FGGY: variants seen among roughly 807,000 people sequenced by gnomAD.
FGGY encodes FGGY carbohydrate kinase domain containing.
A neutral mutation model predicts 71.3 loss-of-function variants in FGGY; 72 were observed. The ratio of observed to expected loss-of-function variants is 1.01; its 90% CI spans 0.84 to 1.23. FGGY has a LOEUF of 1.23. Ranked by LOEUF, FGGY falls within the 50% of genes most tolerant of loss-of-function variation. FGGY has a pLI of 0.00. For synonymous variants in FGGY, 251 were observed against 250.3 expected, an observed-to-expected ratio of 1.00 and a Z score of -0.02; for missense variants, 668 against 682.3, an observed-to-expected ratio of 0.98 and a Z score of 0.23.
At chr1:59,359,686 C>T (rs996818259) in intron 4 of FGGY, among the ~76,000 whole-genome samples, 1 of 152,138 alleles carries the variant, frequency 6.6e-6, no homozygotes, top group Non-Finnish European at 1.5e-5. Flanking sequence ...TCTGAATCCT[C>T]CCTGTATGGA....
chr1:59,680,997 C>G (rs1280172762), intron 14 of FGGY: 1 of 152,124 alleles, frequency 6.6e-6, no homozygotes, highest in East Asian at 1.9e-4. Context: ...TAAAAATAAG[C>G]AGGGTGCCCT....
chr1:59,467,911 G>A (rs917268746), intron 6 of FGGY, among the ~76,000 whole-genome samples: 23 of 149,800 alleles, frequency 1.5e-4, no homozygotes, highest in Admixed American at 1.4e-3. Flanking sequence ...GTTTTGTTTT[G>A]TTTTTTTTTG....
intron 7 of FGGY, among the ~76,000 whole-genome samples, chr1:59,550,351 C>T (rs1174447986): frequency 6.6e-6 from 1 of 152,064 alleles, no homozygotes; most frequent in Non-Finnish European, 1.5e-5. Context: ...AACCTCTTTT[C>T]TCGGGGATAG....
At chr1:59,425,021 G>A (rs1480533376) in intron 5 of FGGY, among the ~76,000 whole-genome samples, 1 of 152,186 alleles carries the variant, frequency 6.6e-6, no homozygotes, top group East Asian at 1.9e-4. Context: ...TCCCTTATCT[G>A]CTATGTGATC....
At chr1:59,580,420 C>T (rs186932192) in intron 8 of FGGY, among the ~76,000 whole-genome samples, 2 of 152,256 alleles carry the variant, frequency 1.3e-5, no homozygotes, top group Admixed American at 1.3e-4. Context: ...CCAAGTGAGC[C>T]TGTTAGAATC....
chr1:59,397,122 C>G (rs1242065573), intron 5 of FGGY, among the ~76,000 whole-genome samples: 1 of 151,692 alleles, frequency 6.6e-6, no homozygotes, highest in African/African-American at 2.4e-5. Context: ...GTTAAAGAGG[C>G]CATTGCTGAA....
chr1:59,402,114 A>G (rs2062043382), intron 5 of FGGY, among the ~76,000 whole-genome samples: 1 of 152,210 alleles, frequency 6.6e-6, no homozygotes, highest in Admixed American at 6.5e-5. Context: ...TGAGTTGGAT[A>G]TGTAGGGGCG....
intron 5 of FGGY, among the ~76,000 whole-genome samples, chr1:59,403,660 C>T (rs942661023): frequency 6.6e-6 from 1 of 152,190 alleles, no homozygotes; most frequent in Non-Finnish European, 1.5e-5. Flanking sequence ...GGTGCATCCA[C>T]AAAGCGTTGG....
chr1:59,489,596 C>G (rs967065485), intron 6 of FGGY, among the ~76,000 whole-genome samples: 3 of 152,046 alleles, frequency 2.0e-5, no homozygotes, highest in Non-Finnish European at 4.4e-5. Flanking sequence ...ATGTATATCA[C>G]ATTTTCTTTG....
rs1270220058 is a variant in FGGY, at chr1:59,416,567, A to G, written c.554+37730A>G. On this transcript the variant is annotated intron_variant, in intron 5 of 15. Transcript: ENST00000303721. The stretch of plus-strand genomic sequence containing the variant: ...AATAGTCTTGATTTCCCACTCTCAC[A>G]CCCCTAAATTACAAGTACAAAGATG... Among the ~76,000 whole-genome samples the G allele has an allele frequency of 2.0e-5, 3 of 152,294 alleles. 1 individual carries two copies. The South Asian group carries it at 6.2e-4, about 32-fold the overall frequency.
intron 14 of FGGY, among the ~76,000 whole-genome samples, chr1:59,685,176 G>A (rs2097534535): frequency 6.6e-6 from 1 of 152,118 alleles, no homozygotes; most frequent in Non-Finnish European, 1.5e-5. Flanking sequence ...GCTAGAAATA[G>A]GGTAGACGCT....
chr1:59,343,883 A>AT (rs1215386483), intron 3 of FGGY, among the ~76,000 whole-genome samples: 5 of 152,144 alleles, frequency 3.3e-5, no homozygotes, highest in Admixed American at 3.3e-4. Context: ...AGCAACAGGT[A>AT]TTTTTACCTT....
At chr1:59,473,595 G>A (rs2093105416) in intron 6 of FGGY, among the ~76,000 whole-genome samples, 2 of 152,174 alleles carry the variant, frequency 1.3e-5, no homozygotes, top group African/African-American at 4.8e-5. Flanking sequence ...TGAACTGTTG[G>A]GTGTGGCCAG....
chr1:59,641,190 G>A, intron 11 of FGGY: 3 of 848,838 alleles, frequency 3.5e-6, no homozygotes, highest in Non-Finnish European at 5.7e-6. Context: ...CTACAATTTT[G>A]GCTCCTTGTA....
chr1:59,629,401 AAGG>A (rs1273833517), intron 10 of FGGY, among the ~76,000 whole-genome samples: 1 of 152,096 alleles, frequency 6.6e-6, no homozygotes, highest in Non-Finnish European at 1.5e-5. Flanking sequence ...TGATTTTGAC[AAGG>A]AGTTTAAGAA....
chr1:59,577,189 A>G (rs1571522710), intron 8 of FGGY, among the ~76,000 whole-genome samples: 1 of 152,218 alleles, frequency 6.6e-6, no homozygotes, highest in Non-Finnish European at 1.5e-5. Context: ...TAAATGAATG[A>G]GTCAATCACA....
intron 7 of FGGY, among the ~76,000 whole-genome samples, chr1:59,542,548 C>T (rs749206094): frequency 2.5e-4 from 37 of 148,704 alleles, no homozygotes; most frequent in Non-Finnish European, 5.0e-4. Context: ...CAACCTCCGC[C>T]TCCCGGGTTC....
chr1:59,411,656 ACT>A (rs1439885295), intron 5 of FGGY, among the ~76,000 whole-genome samples: 1 of 152,158 alleles, frequency 6.6e-6, no homozygotes, highest in Non-Finnish European at 1.5e-5. Flanking sequence ...CTCGCCACAC[ACT>A]TATTTATTCA....
At chr1:59,303,609 A>G (rs573834020) in intron 1 of FGGY, among the ~76,000 whole-genome samples, 1 of 152,168 alleles carries the variant, frequency 6.6e-6, no homozygotes, top group Admixed American at 6.5e-5. Flanking sequence ...TCTTTTGGAT[A>G]TATATCCAGA....
Sources: gnomAD v4.1 joint callset for allele counts (sites outside exome capture counted in the v4.1 genomes callset) on GRCh38, gnomAD v4.1.1 for gene constraint, MANE v1.5 for transcripts, NCBI Gene and HGNC (gene_info 2026-07-23, HGNC 2026-07-21) for gene names.